Variants in FTO observed in about 807,000 individuals in gnomAD.
The protein encoded by FTO is alpha-ketoglutarate-dependent dioxygenase FTO.
FTO carries 47 observed loss-of-function variants against 63.9 expected under a neutral mutation model. That is an observed-to-expected ratio of 0.74 (90% confidence interval 0.58 to 0.94). The LOEUF (loss-of-function observed/expected upper bound fraction) is 0.94. FTO is among the 40% of genes least tolerant of loss of function. The pLI, the probability that FTO is intolerant of heterozygous loss-of-function variation, is 0.00. For missense variants in FTO, 562 were observed against 618.1 expected, an observed-to-expected ratio of 0.91 and a Z score of 0.96; for synonymous variants, 207 against 224.4, an observed-to-expected ratio of 0.92 and a Z score of 0.69.
chr16:53,930,356 T>C (rs549261378), intron 7 of FTO, among the ~76,000 whole-genome samples: 1 of 150,518 alleles, frequency 6.6e-6, no homozygotes, highest in East Asian at 2.0e-4. Flanking sequence ...CCTGAGTAGC[T>C]GGGACTACGG....
intron 8 of FTO, among the ~76,000 whole-genome samples, chr16:53,938,781 G>C (rs2082450937): frequency 6.6e-6 from 1 of 152,138 alleles, no homozygotes; most frequent in African/African-American, 2.4e-5. Context: ...TGGAAGACTA[G>C]AATTGTTGTG....
intron 1 of FTO, among the ~76,000 whole-genome samples, chr16:53,735,856 C>A (rs922076579): frequency 1.3e-5 from 2 of 152,318 alleles, no homozygotes; most frequent in Admixed American, 1.3e-4. Context: ...GGTCATCCTT[C>A]CTTTCTGTCA....
At chr16:53,839,687 A>G (rs1416869496) in intron 3 of FTO, among the ~76,000 whole-genome samples, 1 of 152,168 alleles carries the variant, frequency 6.6e-6, no homozygotes, top group African/African-American at 2.4e-5. Flanking sequence ...TAGACTGTCC[A>G]CACGCAGTGG....
chr16:53,841,152 C>T (rs2079465857), intron 3 of FTO, among the ~76,000 whole-genome samples: 1 of 150,414 alleles, frequency 6.6e-6, no homozygotes, highest in South Asian at 2.1e-4. Context: ...TGACAGACAT[C>T]AGTAATTGAT....
At chr16:53,844,616 C>G (rs1175000965) in intron 4 of FTO, among the ~76,000 whole-genome samples, 1 of 152,028 alleles carries the variant, frequency 6.6e-6, no homozygotes, top group Non-Finnish European at 1.5e-5. Flanking sequence ...CACACCAACA[C>G]ACCCAGTTAA....
intron 8 of FTO, among the ~76,000 whole-genome samples, chr16:54,109,145 G>T (rs2086821006): frequency 6.6e-6 from 1 of 152,126 alleles, no homozygotes; most frequent in East Asian, 1.9e-4. Flanking sequence ...TTGGAAATTG[G>T]CAAGGAACAC....
rs16952660 is a variant in FTO, at chr16:53,932,914, G to C, written c.1240-1071G>C. On this transcript the variant is annotated intron_variant, in intron 7 of 8. Coordinates refer to ENST00000471389, the MANE Select transcript of FTO (RefSeq NM_001080432.3). ...GAAATCCTGGAAAAGAATCAATTTG[G>C]TCTGGCCCACATCCTTCATAGGGGA... Among the ~76,000 whole-genome samples the C allele has an allele frequency of 1.6e-3, 248 of 152,174 alleles. 3 individuals are homozygous for C. The East Asian group carries it at 0.03, about 18-fold the overall frequency.
At chr16:53,838,062 A>G (rs898071511) in intron 3 of FTO, among the ~76,000 whole-genome samples, 6 of 152,078 alleles carry the variant, frequency 3.9e-5, no homozygotes, top group Non-Finnish European at 5.9e-5. Context: ...TGCCTTCCCT[A>G]TGTCACACTT....
chr16:53,828,074 T>C (rs2079055486), intron 3 of FTO, among the ~76,000 whole-genome samples: 1 of 152,226 alleles, frequency 6.6e-6, no homozygotes, highest in South Asian at 2.1e-4. Context: ...AAATGTCTAA[T>C]GAATAGTTTC....
chr16:53,888,027 C>T (rs1157387451), intron 6 of FTO: 3 of 151,776 alleles, frequency 2.0e-5, no homozygotes, highest in East Asian at 3.9e-4. Context: ...TTAATAAAAA[C>T]GTATTCAGTT....
intron 8 of FTO, among the ~76,000 whole-genome samples, chr16:54,094,218 T>C (rs1417038141): frequency 6.6e-6 from 1 of 152,168 alleles, no homozygotes; most frequent in Non-Finnish European, 1.5e-5. Context: ...AACTTGTGGT[T>C]GTGATGATTA....
intron 7 of FTO, among the ~76,000 whole-genome samples, chr16:53,902,862 C>G (rs2081437321): frequency 6.6e-6 from 1 of 152,212 alleles, no homozygotes. Context: ...TCCTGTAATT[C>G]TAGCTCTTAG....
chr16:53,886,598 T>C (rs2081003411), intron 6 of FTO, among the ~76,000 whole-genome samples: 1 of 152,242 alleles, frequency 6.6e-6, no homozygotes, highest in African/African-American at 2.4e-5. Context: ...GCAACTGTTG[T>C]TTTAATATTG....
chr16:54,103,768 C>T (rs6499676), intron 8 of FTO, among the ~76,000 whole-genome samples: 4,549 of 152,252 alleles, frequency 0.03, 156 homozygotes, highest in South Asian at 0.084. Context: ...AGACACATTA[C>T]AAATTCATTG....
intron 8 of FTO, among the ~76,000 whole-genome samples, chr16:54,005,463 C>T (rs2084179809): frequency 6.7e-6 from 1 of 150,368 alleles, no homozygotes; most frequent in African/African-American, 2.4e-5. Flanking sequence ...TATTACTTAT[C>T]CTAGTATATT....
At chr16:53,827,308 A>G (rs2079032837) in intron 3 of FTO, among the ~76,000 whole-genome samples, 1 of 152,186 alleles carries the variant, frequency 6.6e-6, no homozygotes, top group Admixed American at 6.5e-5. Flanking sequence ...AGTTGAACAG[A>G]TGGAGGAGAG....
intron 8 of FTO, among the ~76,000 whole-genome samples, chr16:54,002,650 GC>G (rs1237053648): frequency 6.6e-6 from 1 of 152,268 alleles, no homozygotes; most frequent in East Asian, 1.9e-4. Flanking sequence ...GATCTTCAAA[GC>G]TTTTAATAAG....
chr16:53,825,914 T>G lies in FTO; in HGVS notation c.174T>G (p.Ser58=). ...KLILREASSV[S]EELHKEVQEA... is the part of the protein sequence containing the mutation. ...TTCTCCGAGAAGCCAGCAGTGTATC[T>G]GAGGAGCTCCATAAAGAGGTTCAAG... The change falls in exon 3 of 9, where the codon TCT becomes TCG. Residue 58 remains serine, a synonymous_variant. Coordinates refer to ENST00000471389, the MANE Select transcript of FTO (RefSeq NM_001080432.3). The G allele has an allele frequency of 1.2e-6, 2 of 1,614,196 alleles. No homozygotes were observed. The highest frequency in any genetic ancestry group is 8.5e-7 in the Non-Finnish European group (1 of 1,180,038).
chr16:53,904,646 A>G (rs767447296), intron 7 of FTO, among the ~76,000 whole-genome samples: 4 of 152,214 alleles, frequency 2.6e-5, no homozygotes, highest in Admixed American at 6.5e-5. Context: ...TGCTATAACT[A>G]TTTTTGGCAA....
Sources: allele counts gnomAD v4.1 joint callset (sites outside exome capture counted in the v4.1 genomes callset), GRCh38; gene constraint gnomAD v4.1.1; transcripts MANE v1.5; gene names NCBI Gene and HGNC (gene_info 2026-07-23, HGNC 2026-07-21).